KDM4C: variants seen among roughly 807,000 people sequenced by gnomAD.
KDM4C encodes the protein lysine-specific demethylase 4C.
A neutral mutation model predicts 129.3 loss-of-function variants in KDM4C; 81 were observed. The ratio of observed to expected loss-of-function variants is 0.63; its 90% confidence interval spans 0.52 to 0.75. The LOEUF (loss-of-function observed/expected upper bound fraction) is 0.75, where lower values mean the gene tolerates loss of function less well. Ranked by LOEUF, KDM4C falls within the 30% of genes least tolerant of loss-of-function variation. The pLI, the probability that KDM4C is intolerant of heterozygous loss-of-function variation, is 0.00. For missense variants in KDM4C, 1,457 were observed against 1,304.0 expected, an observed-to-expected ratio of 1.12 and a Z score of -1.81; for synonymous variants, 573 against 456.1, an observed-to-expected ratio of 1.26 and a Z score of -3.26.
intron 4 of KDM4C, among the ~76,000 whole-genome samples, chr9:6,844,064 T>C (rs1837438189): frequency 6.6e-6 from 1 of 152,150 alleles, no homozygotes; most frequent in Non-Finnish European, 1.5e-5. Context: ...CTCAAACTCC[T>C]GGGCTCAAGT....
chr9:7,145,431 T>TG (rs1181282218), intron 19 of KDM4C, among the ~76,000 whole-genome samples: 2 of 152,104 alleles, frequency 1.3e-5, no homozygotes, highest in South Asian at 4.2e-4. Flanking sequence ...GACAGGCTGA[T>TG]GGGGGGCGCA....
intron 9 of KDM4C, chr9:6,982,099 G>A (rs818911): frequency 0.72 from 109,736 of 151,798 alleles, 40,782 homozygotes; most frequent in East Asian, 0.91. Context: ...GCTGCAACAT[G>A]ATTTTTAATG....
intron 15 of KDM4C, among the ~76,000 whole-genome samples, chr9:7,040,567 T>C (rs1446468665): frequency 1.3e-5 from 2 of 152,072 alleles, no homozygotes; most frequent in Admixed American, 6.6e-5. Context: ...TTTGTTATGA[T>C]GTGGATCTCC....
intron 17 of KDM4C, among the ~76,000 whole-genome samples, chr9:7,088,215 T>G (rs1835372317): frequency 6.6e-6 from 1 of 152,206 alleles, no homozygotes; most frequent in Non-Finnish European, 1.5e-5. Context: ...GGAAGGACCC[T>G]TAAAGTGGGC....
chr9:7,049,144 G>T lies in KDM4C; in HGVS notation c.2368G>T (p.Val790Phe). The T allele has an allele frequency of 1.2e-6, 2 of 1,612,580 alleles. No homozygotes were observed. The highest frequency in any genetic ancestry group is 1.7e-6 in the Non-Finnish European group (2 of 1,178,936). ...VAVPEVRFTN[V>F]PERTQIDVGR... ...GGTCCCAGAAGTTCGATTCACTAAT[G>T]TCCCAGAAAGGACACAAATAGATGT... is the stretch of plus-strand genomic sequence containing the variant. The change falls in exon 17 of 22, where the codon GTC (valine) becomes TTC (phenylalanine). Residue 790 changes from valine (V) to phenylalanine (F), a missense_variant. Val to Phe is a conservative substitution (Grantham distance 50). Transcript: ENST00000381309.
intron 1 of KDM4C, among the ~76,000 whole-genome samples, chr9:6,752,201 C>T (rs964022957): frequency 4.3e-4 from 65 of 150,136 alleles, no homozygotes; most frequent in East Asian, 2.0e-3. Context: ...GGCATGGTGG[C>T]GCGCGCCTGT....
chr9:6,856,029 C>G (rs940695984), intron 5 of KDM4C, among the ~76,000 whole-genome samples: 1 of 152,186 alleles, frequency 6.6e-6, no homozygotes, highest in African/African-American at 2.4e-5. Context: ...GCGTGAGTCA[C>G]CATTCCTGGC....
intron 19 of KDM4C, among the ~76,000 whole-genome samples, chr9:7,151,532 A>C (rs1040316321): frequency 6.6e-6 from 1 of 152,142 alleles, no homozygotes; most frequent in Non-Finnish European, 1.5e-5. Context: ...AAAATTAGCC[A>C]AGCATGGTGG....
At chr9:7,094,919 C>G (rs962201017) in intron 17 of KDM4C, among the ~76,000 whole-genome samples, 1 of 152,142 alleles carries the variant, frequency 6.6e-6, no homozygotes, top group Non-Finnish European at 1.5e-5. Context: ...GTCAGATGCA[C>G]TCAGGGGCCT....
chr9:7,114,038 G>A (rs377697599), intron 18 of KDM4C, among the ~76,000 whole-genome samples: 36 of 152,248 alleles, frequency 2.4e-4, no homozygotes, highest in East Asian at 1.2e-3. Flanking sequence ...TACATCCCAG[G>A]ATGAACATAT....
intron 17 of KDM4C, among the ~76,000 whole-genome samples, chr9:7,062,128 C>G (rs1366005960): frequency 6.6e-6 from 1 of 152,130 alleles, no homozygotes; most frequent in Non-Finnish European, 1.5e-5. Flanking sequence ...CCACCACACA[C>G]TGGCCAATTT....
chr9:7,011,758 C>A lies in KDM4C; in HGVS notation c.1847C>A (p.Pro616His). The A allele has an allele frequency of 3.1e-6, 5 of 1,614,136 alleles. No individual in the cohort carries two copies. The South Asian group carries it at 5.5e-5, about 18-fold the overall frequency. ...GAAGAAACAGAGTCTTGGGCGAAACCTCTCATCCACCTTTGGCAGACGAAG... is the reference window on the plus strand; with the variant it reads ...GAAGAAACAGAGTCTTGGGCGAAACATCTCATCCACCTTTGGCAGACGAAG... Reference protein sequence around the residue: ...EVEETESWAKPLIHLWQTKSP... With the variant: ...EVEETESWAKHLIHLWQTKSP... Residue 616 changes from proline (P) to histidine (H), a missense_variant, in exon 13 of 22, where the codon CCT (proline) becomes CAT (histidine). By Grantham distance (77) the Pro-to-His change is moderately conservative (BLOSUM62 -2). Coordinates refer to ENST00000381309, the MANE Select transcript of KDM4C (RefSeq NM_015061.6).
chr9:6,940,861 T>C (rs1563851891), intron 8 of KDM4C, among the ~76,000 whole-genome samples: 1 of 151,858 alleles, frequency 6.6e-6, no homozygotes, highest in African/African-American at 2.4e-5. Context: ...AAGTCTAATA[T>C]ACAGCATCTA....
chr9:6,856,709 A>T (rs1305124507), intron 5 of KDM4C, among the ~76,000 whole-genome samples: 1 of 149,344 alleles, frequency 6.7e-6, no homozygotes, highest in Non-Finnish European at 1.5e-5. Context: ...GGTAGCTGGG[A>T]CTACAGGTGT....
rs957718967 is a variant in KDM4C at position 7,091,152 on chromosome 9, CTCTT to C, written c.2425-12526_2425-12523del. Among the ~76,000 whole-genome samples the C allele has an allele frequency of 2.1e-4, 31 of 150,164 alleles. 1 individual carries two copies. Among genetic ancestry groups the C allele is most frequent in the African/African-American group, 5.3e-4 (21 of 39,556 alleles). ...ATTTCAAATGAACCTGACCAGGTGACTCTTTCTTTCGAGGCTCTCAGATGGTTTT... is the reference window on the plus strand; with the variant it reads ...ATTTCAAATGAACCTGACCAGGTGACTCTTTCGAGGCTCTCAGATGGTTTT... On this transcript the variant is annotated intron_variant, in intron 17 of 21. Coordinates refer to ENST00000381309, the MANE Select transcript of KDM4C (RefSeq NM_015061.6).
At chr9:6,819,752 C>A (rs1474030593) in intron 4 of KDM4C, among the ~76,000 whole-genome samples, 1 of 152,166 alleles carries the variant, frequency 6.6e-6, no homozygotes, top group Non-Finnish European at 1.5e-5. Flanking sequence ...GTAATAATTG[C>A]TTACTGTCAG....
Position 6,951,647 on chromosome 9 carries a change from C to A in KDM4C, c.922-29278C>A, listed in dbSNP as rs12684063. The stretch of plus-strand genomic sequence containing the variant: ...CAATCTACAGATAATTATAACAGGA[C>A]AATTACCCATGGTATACAGTTTAGA... On this transcript the variant is annotated intron_variant, in intron 8 of 21. Coordinates refer to ENST00000381309, the MANE Select transcript of KDM4C (RefSeq NM_015061.6). Among the ~76,000 whole-genome samples, 349 of 152,260 alleles carry A rather than the reference C, an allele frequency of 2.3e-3. 2 individuals carry two copies. In the East Asian group the frequency reaches 0.035, roughly 15 times the overall value.
At chr9:6,775,732 G>C (rs1455065931) in intron 1 of KDM4C, among the ~76,000 whole-genome samples, 1 of 151,980 alleles carries the variant, frequency 6.6e-6, no homozygotes, top group African/African-American at 2.4e-5. Flanking sequence ...ATGTTGGTCA[G>C]GCTGGTCTCG....
chr9:6,842,204 C>A (rs550739547), intron 4 of KDM4C, among the ~76,000 whole-genome samples: 255 of 152,242 alleles, frequency 1.7e-3, no homozygotes, highest in African/African-American at 5.9e-3. Flanking sequence ...CTCCAAAACT[C>A]CTCCTTCCTT....
Sources: allele counts gnomAD v4.1 joint callset (sites outside exome capture counted in the v4.1 genomes callset), GRCh38; gene constraint gnomAD v4.1.1; transcripts MANE v1.5; gene names NCBI Gene and HGNC (gene_info 2026-07-23, HGNC 2026-07-21).